The following NR6A1 variants were observed in gnomAD, a reference collection of about 807,000 sequenced individuals.
NR6A1 encodes the protein retinoic acid receptor-related testis-associated receptor.
A neutral mutation model predicts 59.1 loss-of-function variants in NR6A1; 7 were observed. The observed-to-expected ratio is 0.12, with a 90% CI of 0.07 to 0.22. NR6A1 has a LOEUF of 0.22. NR6A1 is among the 10% of genes least tolerant of loss of function. The probability of loss-of-function intolerance (pLI) is 1.00; values close to 1 mark genes in which losing one functional copy is unlikely to be tolerated. For missense variants in NR6A1, 468 were observed against 611.6 expected (o/e 0.77, Z 2.48); for synonymous variants, 243 against 236.1 (o/e 1.03, Z -0.27).
chr9:124,663,166 C>G (rs1837498024), intron 2 of NR6A1, among the ~76,000 whole-genome samples: 1 of 152,154 alleles, frequency 6.6e-6, no homozygotes. Flanking sequence ...CCTTCGATTA[C>G]TGTGAACTTG....
At chr9:124,687,470 G>C (rs1286946645) in intron 2 of NR6A1, among the ~76,000 whole-genome samples, 1 of 151,982 alleles carries the variant, frequency 6.6e-6, no homozygotes, top group Non-Finnish European at 1.5e-5. Context: ...CTGATATAAA[G>C]TTGCCATGTA....
chr9:124,724,505 C>T (rs1348777548), intron 2 of NR6A1, among the ~76,000 whole-genome samples: 1 of 149,916 alleles, frequency 6.7e-6, no homozygotes, highest in African/African-American at 2.5e-5. Flanking sequence ...GGATTATATC[C>T]TTTGAACATC....
At position 124,643,666 on chromosome 9, in the gene NR6A1, G is replaced by A. The variant is rs1412967857; in HGVS notation, c.143-89096C>T. Among the ~76,000 whole-genome samples the A allele has an allele frequency of 2.0e-5, 3 of 147,840 alleles. No homozygotes were observed. In the East Asian group the frequency reaches 6.0e-4, roughly 30 times the overall value. ...TTAAGTTCTAGCTACTTAGGAGGCT[G>A]ACATGGAAGGATTGCTTGAGCCCAT... is the stretch of plus-strand genomic sequence containing the variant. On this transcript the variant is annotated intron_variant, in intron 2 of 9. Transcript: ENST00000487099.
chr9:124,634,187 T>C (rs1836530678), intron 2 of NR6A1, among the ~76,000 whole-genome samples: 1 of 152,176 alleles, frequency 6.6e-6, no homozygotes, highest in African/African-American at 2.4e-5. Flanking sequence ...AGATTTTTAA[T>C]AAGGAAAAGC....
chr9:124,715,616 T>C (rs992840136), intron 2 of NR6A1, among the ~76,000 whole-genome samples: 5 of 151,316 alleles, frequency 3.3e-5, no homozygotes, highest in African/African-American at 1.2e-4. Flanking sequence ...ATGGACAGAG[T>C]CAATACAATT....
chr9:124,680,563 T>A (rs1007741228), intron 2 of NR6A1, among the ~76,000 whole-genome samples: 4 of 152,186 alleles, frequency 2.6e-5, no homozygotes, highest in Admixed American at 2.0e-4. Context: ...TCAACCTTTA[T>A]TGAGCTCCAC....
intron 2 of NR6A1, among the ~76,000 whole-genome samples, chr9:124,729,127 TAG>T (rs1839812375): frequency 6.6e-6 from 1 of 152,196 alleles, no homozygotes; most frequent in Admixed American, 6.5e-5. Context: ...TTTTCTATTT[TAG>T]TGATGGATCG....
chr9:124,698,135 A>G (rs889950684), intron 2 of NR6A1: 6 of 152,218 alleles, frequency 3.9e-5, no homozygotes, highest in Non-Finnish European at 8.8e-5. Context: ...TATGTTTATT[A>G]TTTATACTCT....
intron 2 of NR6A1, among the ~76,000 whole-genome samples, chr9:124,627,013 T>C (rs770055522): frequency 6.6e-6 from 1 of 152,188 alleles, no homozygotes; most frequent in African/African-American, 2.4e-5. Flanking sequence ...TACATATTTA[T>C]TGGATAAGTA....
At chr9:124,682,089 G>C (rs1268879014) in intron 2 of NR6A1, among the ~76,000 whole-genome samples, 1 of 152,078 alleles carries the variant, frequency 6.6e-6, no homozygotes, top group African/African-American at 2.4e-5. Flanking sequence ...CCACCTCCTT[G>C]GTTCAAGCGA....
intron 3 of NR6A1, among the ~76,000 whole-genome samples, chr9:124,545,269 G>A (rs955418350): frequency 2.6e-5 from 4 of 152,148 alleles, no homozygotes; most frequent in African/African-American, 9.7e-5. Context: ...AAAATGGTAT[G>A]GATAAAACAC....
At chr9:124,559,665 G>A (rs755748854) in intron 2 of NR6A1, among the ~76,000 whole-genome samples, 2 of 152,132 alleles carry the variant, frequency 1.3e-5, no homozygotes, top group Non-Finnish European at 1.5e-5. Context: ...TAATCCCAGC[G>A]ACTCGGGAGG....
intron 2 of NR6A1, among the ~76,000 whole-genome samples, chr9:124,699,366 G>A (rs540671793): frequency 6.6e-6 from 1 of 152,304 alleles, no homozygotes; most frequent in South Asian, 2.1e-4. Context: ...CATCAGACTG[G>A]ATGGGAAATA....
intron 7 of NR6A1, among the ~76,000 whole-genome samples, chr9:124,529,063 G>A (rs2131328036): frequency 6.6e-6 from 1 of 152,308 alleles, no homozygotes; most frequent in South Asian, 2.1e-4. Flanking sequence ...AGTATGAGCT[G>A]GGGATTCTTT....
chr9:124,762,880 C>G (rs78730530), intron 1 of NR6A1, among the ~76,000 whole-genome samples: 1 of 152,180 alleles, frequency 6.6e-6, no homozygotes, highest in Non-Finnish European at 1.5e-5. Flanking sequence ...CTCTTAGTGG[C>G]AAGTACAAGT....
intron 7 of NR6A1, among the ~76,000 whole-genome samples, chr9:124,530,045 A>G (rs1353640386): frequency 6.6e-6 from 1 of 152,088 alleles, no homozygotes; most frequent in African/African-American, 2.4e-5. Flanking sequence ...CCTTGCCCCA[A>G]GTGTTCACTC....
At chr9:124,704,830 C>T (rs1839077629) in intron 2 of NR6A1, among the ~76,000 whole-genome samples, 1 of 152,156 alleles carries the variant, frequency 6.6e-6, no homozygotes, top group South Asian at 2.1e-4. Flanking sequence ...CCTCGAACTC[C>T]CAGGCCCAGG....
chr9:124,679,240 G>C lies in NR6A1; in HGVS notation c.142+54068C>G, dbSNP rs112600494. Reference sequence around the variant, plus strand: ...GCAATTTCCATAACTGGTTGCTTCTGATCAGTGTTCATTTTGGAGACATCG... The same window carrying C: ...GCAATTTCCATAACTGGTTGCTTCTCATCAGTGTTCATTTTGGAGACATCG... On this transcript the variant is annotated intron_variant, in intron 2 of 9. Coordinates refer to ENST00000487099, the MANE Select transcript of NR6A1 (RefSeq NM_033334.4). Among the ~76,000 whole-genome samples, 1,384 of 152,272 alleles carry C rather than the reference G, an allele frequency of 9.1e-3. 20 individuals carry two copies. The highest frequency in any genetic ancestry group is 0.031 in the African/African-American group (1,296 of 41,556).
intron 2 of NR6A1, among the ~76,000 whole-genome samples, chr9:124,706,369 G>C (rs1839132976): frequency 6.6e-6 from 1 of 152,020 alleles, no homozygotes; most frequent in Non-Finnish European, 1.5e-5. Context: ...ATGGATTTGA[G>C]TTACCATCTG....
Sources: allele counts gnomAD v4.1 joint callset (sites outside exome capture counted in the v4.1 genomes callset), GRCh38; gene constraint gnomAD v4.1.1; transcripts MANE v1.5; gene names NCBI Gene and HGNC (gene_info 2026-07-23, HGNC 2026-07-21).